Variants in SPINK6 observed in about 807,000 individuals in gnomAD.
The protein encoded by SPINK6 is serine protease inhibitor Kazal-type 6.
SPINK6 carries 13 observed loss-of-function variants against 11.7 expected under a neutral mutation model. The ratio of observed to expected loss-of-function variants is 1.11; its 90% CI spans 0.72 to 1.76. The LOEUF is 1.76. SPINK6 is among the 40% of genes most tolerant of loss of function. The pLI is 0.00. For synonymous variants in SPINK6, 21 were observed against 31.9 expected (o/e 0.66, Z 1.15); for missense variants, 98 against 93.7 (o/e 1.05, Z -0.19).
rs551610413 is a variant in SPINK6, at chr5:148,211,148, G to C, written c.82-2762G>C. 2.5e-5 allele frequency among the ~76,000 whole-genome samples: 3 copies of C among 122,408 alleles called. No homozygotes were observed. In the East Asian group the frequency reaches 7.5e-4, roughly 30 times the overall value. 80.3% of individuals were successfully genotyped at this position (122,408 alleles called of 152,430 possible). A position where few individuals can be genotyped will look rare whatever the true frequency, so the allele number is the denominator to read the frequency against. On this transcript the variant is annotated intron_variant, in intron 2 of 3. Transcript: ENST00000325630. ...CCTTCTCCAACCCCTGGGGCCCAGA[G>C]AGAGTGGTCCTCTCCTGCCCAGCCA...
At chr5:148,210,007 C>CATACCCACGTACGTATGT (rs1554112271) in intron 2 of SPINK6, among the ~76,000 whole-genome samples, 3 of 105,736 alleles carry the variant, frequency 2.8e-5, no homozygotes, top group African/African-American at 5.1e-5. Context: ...CGTATGTATA[C>CATACCCACGTACGTATGT]ATGTATGTAC....
At chr5:148,210,019 C>T (rs1394967357) in intron 2 of SPINK6, among the ~76,000 whole-genome samples, 62 of 140,502 alleles carry the variant, frequency 4.4e-4, no homozygotes, top group South Asian at 1.9e-3. Flanking sequence ...TGTATGTACG[C>T]ATGTACGCAT....
At chr5:148,205,932 T>C (rs534998877) in intron 1 of SPINK6, 104 bp from the exon 2 acceptor site, 71 of 1,184,580 alleles carry the variant, frequency 6.0e-5, no homozygotes, top group Middle Eastern at 5.8e-4. Flanking sequence ...CTTTTTAAGA[T>C]AGCCAAGTAC....
Position 148,209,979 on chromosome 5 carries a change from T to TGTATGTATACATACATACGTAC in SPINK6, c.82-3918_82-3917insCATACGTACGTATGTATACATA, listed in dbSNP as rs1755552919. Among the ~76,000 whole-genome samples, 7 of 145,606 alleles carry TGTATGTATACATACATACGTAC rather than the reference T, an allele frequency of 4.8e-5. No individual in the cohort carries two copies. The South Asian group carries it at 8.4e-4, about 17-fold the overall frequency. On this transcript the variant is annotated intron_variant, in intron 2 of 3. Transcript: ENST00000325630. The stretch of plus-strand genomic sequence containing the variant: ...ATATGTATACATACATACGTACGTA[T>TGTATGTATACATACATACGTAC]GTATGTATACATATACACGTATGTA...
intron 2 of SPINK6, among the ~76,000 whole-genome samples, chr5:148,212,625 A>ATT (rs1438729720): frequency 1.6e-4 from 16 of 101,538 alleles, no homozygotes; most frequent in African/African-American, 6.6e-4. Flanking sequence ...TATATTATAT[A>ATT]TTATATATTA....
chr5:148,212,394 G>C lies in SPINK6; in HGVS notation c.82-1516G>C, dbSNP rs1056142815. On this transcript the variant is annotated intron_variant, in intron 2 of 3. Coordinates refer to ENST00000325630, the MANE Select transcript of SPINK6 (RefSeq NM_205841.4). ...ACCTATAATCTTAGTGACTTGGAAG[G>C]CTGAGGTGGGAAGATGTCTTGAGGC... 2.7e-5 allele frequency among the ~76,000 whole-genome samples: 4 copies of C among 147,354 alleles called. No homozygotes were observed. The Admixed American group carries it at 2.8e-4, about 10-fold the overall frequency.
In SPINK6 at chr5:148,211,520, C is replaced by T. The variant is rs1383198049; in HGVS notation, c.82-2390C>T. On this transcript the variant is annotated intron_variant, in intron 2 of 3. Transcript: ENST00000325630. ...TAGTTCTCTACAACTTTTATATGACCACATTTGTTCCTTATAAAAACCTTG... is the reference window on the plus strand; with the variant it reads ...TAGTTCTCTACAACTTTTATATGACTACATTTGTTCCTTATAAAAACCTTG... Among the ~76,000 whole-genome samples, 3 of 152,078 alleles carry T rather than the reference C, an allele frequency of 2.0e-5. No homozygotes were observed. The South Asian group carries it at 6.2e-4, about 32-fold the overall frequency.
chr5:148,214,097 G>A (rs1002263548), intron 3 of SPINK6, 72 bp downstream of exon 3: 30 of 944,252 alleles, frequency 3.2e-5, no homozygotes, highest in South Asian at 1.2e-4. Flanking sequence ...ACACTTTTTC[G>A]AGGTATTATA....
chr5:148,209,647 A>T (rs1581141529), intron 2 of SPINK6, among the ~76,000 whole-genome samples: 1 of 152,224 alleles, frequency 6.6e-6, no homozygotes, highest in East Asian at 1.9e-4. Flanking sequence ...CACCCAGCCG[A>T]AATTAAGGAG....
At chr5:148,203,907 G>A (rs75580331) in intron 1 of SPINK6, among the ~76,000 whole-genome samples, 1,710 of 152,170 alleles carry the variant, frequency 0.011, 32 homozygotes, top group African/African-American at 0.038. Flanking sequence ...ACTCTTTCAC[G>A]TTGTAGGGCA....
At chr5:148,211,729 T>C (rs1203014165) in intron 2 of SPINK6, among the ~76,000 whole-genome samples, 4 of 152,156 alleles carry the variant, frequency 2.6e-5, no homozygotes, top group Non-Finnish European at 5.9e-5. Flanking sequence ...GAGTATGATA[T>C]TTATCTGTTC....
At chr5:148,206,788 T>G (rs1440344500) in intron 2 of SPINK6, among the ~76,000 whole-genome samples, 1 of 152,184 alleles carries the variant, frequency 6.6e-6, no homozygotes, top group Non-Finnish European at 1.5e-5. Flanking sequence ...TGTTCCTTTG[T>G]CCATATTAAG....
rs1755493871 is a variant in SPINK6, at chr5:148,206,020, T to C, written c.59-16T>C. On this transcript the variant is annotated splice_polypyrimidine_tract_variant and intron_variant, in intron 1 of 3. Transcript: ENST00000325630. The stretch of plus-strand genomic sequence containing the variant: ...TCAATGAATTACAGTGTTTGAATGT[T>C]GTGCTTTTCTTTCAGGTGTCTTCAG... 6.2e-6 allele frequency: 10 copies of C among 1,613,844 alleles called. No homozygotes were observed. Among genetic ancestry groups the C allele is most frequent in the African/African-American group, 1.3e-5 (1 of 74,934 alleles).
At chr5:148,212,672 A>T (rs1340625482) in intron 2 of SPINK6, among the ~76,000 whole-genome samples, 143 of 105,554 alleles carry the variant, frequency 1.4e-3, no homozygotes, top group African/African-American at 1.9e-3. Flanking sequence ...ATATTTATAT[A>T]ATATATATTT....
At chr5:148,212,677 A>G (rs1271254323) in intron 2 of SPINK6, among the ~76,000 whole-genome samples, 1 of 113,024 alleles carries the variant, frequency 8.8e-6, no homozygotes, top group East Asian at 2.2e-4. Flanking sequence ...TATATAATAT[A>G]TATTTTATAT....
intron 1 of SPINK6, among the ~76,000 whole-genome samples, chr5:148,204,802 T>A (rs1396935422): frequency 1.3e-5 from 2 of 152,156 alleles, no homozygotes; most frequent in African/African-American, 4.8e-5. Flanking sequence ...AATCCTGTTT[T>A]TGCCTTGCCA....
intron 2 of SPINK6, among the ~76,000 whole-genome samples, chr5:148,209,997 C>CATGTACGTAT (rs1561732192): frequency 1.4e-5 from 2 of 145,890 alleles, no homozygotes; most frequent in East Asian, 2.1e-4. Flanking sequence ...TACATATACA[C>CATGTACGTAT]GTATGTATAC....
At chr5:148,208,709 C>T (rs1005103347) in intron 2 of SPINK6, among the ~76,000 whole-genome samples, 2 of 152,082 alleles carry the variant, frequency 1.3e-5, no homozygotes, top group Non-Finnish European at 2.9e-5. Flanking sequence ...TTAAATGGCA[C>T]AATAATAACA....
At chr5:148,210,007 C>CTTACACACGTACGTATGT (rs1408259548) in intron 2 of SPINK6, among the ~76,000 whole-genome samples, 1 of 105,728 alleles carries the variant, frequency 9.5e-6, no homozygotes, top group Non-Finnish European at 1.8e-5. Context: ...CGTATGTATA[C>CTTACACACGTACGTATGT]ATGTATGTAC....
Sources: allele counts gnomAD v4.1 joint callset (sites outside exome capture counted in the v4.1 genomes callset), GRCh38; gene constraint gnomAD v4.1.1; transcripts MANE v1.5; gene names NCBI Gene and HGNC (gene_info 2026-07-23, HGNC 2026-07-21).